SF1: variants seen among roughly 807,000 people sequenced by gnomAD.
The protein encoded by SF1 is splicing factor 1.
SF1 carries 7 observed loss-of-function variants against 62.5 expected under a neutral mutation model. The ratio of observed to expected loss-of-function variants is 0.11; its 90% confidence interval spans 0.06 to 0.21. The LOEUF (loss-of-function observed/expected upper bound fraction) is 0.21, where lower values mean the gene tolerates loss of function less well. Among genes scored for constraint, SF1 ranks in the 10% least tolerant of loss-of-function variants. The pLI is 1.00. For missense variants in SF1, 578 were observed against 884.0 expected (o/e 0.65, Z 4.39); for synonymous variants, 394 against 323.6 (o/e 1.22, Z -2.33).
rs1195496200 is a variant in SF1 at position 64,769,944 on chromosome 11, A to C, written c.479+20T>G. 1 of 1,567,192 alleles carries C rather than the reference A, an allele frequency of 6.4e-7. No individual in the cohort carries two copies. The highest frequency in any genetic ancestry group is 8.8e-7 in the Non-Finnish European group (1 of 1,137,472). ...AGGCTCTAAAGGAATTCTATATCCT[A>C]TAGACCAGCAGTTACTCACCTGGGC... On this transcript the variant is annotated intron_variant, in intron 5 of 12. Transcript: ENST00000377390.
At position 64,765,962 on chromosome 11, in the gene SF1, G is replaced by T; in HGVS notation, c.1776C>A (p.Ser592=). 1 of 1,591,950 alleles carries T rather than the reference G, an allele frequency of 6.3e-7. No homozygotes were observed. Among genetic ancestry groups the T allele is most frequent in the Non-Finnish European group, 8.6e-7 (1 of 1,169,142 alleles). The part of the protein sequence containing the change: ...PPPPPPPPPG[S]AGMMYAPPPP... Reference sequence around the variant, plus strand: ...GGGGCGGGGCATACATCATGCCGGCGGAACCAGGCGGTGGAGGCGGCGGAG... The same window carrying T: ...GGGGCGGGGCATACATCATGCCGGCTGAACCAGGCGGTGGAGGCGGCGGAG... Residue 592 remains serine, a synonymous_variant, in exon 13 of 13, where the codon TCC becomes TCA. Transcript: ENST00000377390.
chr11:64,772,890 T>C, intron 3 of SF1: 1 of 986,258 alleles, frequency 1.0e-6, no homozygotes, highest in Non-Finnish European at 1.2e-6. Context: ...CCCAAGGCAA[T>C]GGCCAAGGCT....
At position 64,764,891 on chromosome 11, in the gene SF1, G is replaced by A; in HGVS notation, c.*927C>T. 1 of 152,374 alleles carries A rather than the reference G, an allele frequency of 6.6e-6. No homozygotes were observed. The highest frequency in any genetic ancestry group is 1.9e-4 in the East Asian group (1 of 5,208). 9.4% of individuals were successfully genotyped at this position (152,374 alleles called of 1,614,324 possible). On this transcript the variant is annotated 3_prime_UTR_variant, in exon 13 of 13. Transcript: ENST00000377390. ...CCTTCCAGGAAGGAGAGGACCAAAT[G>A]GAATCTGAGGCAGCTCAGGTGATCA...
chr11:64,767,501 C>A (rs1195975674), intron 10 of SF1, 70 bp downstream of exon 10: 18 of 1,455,296 alleles, frequency 1.2e-5, no homozygotes, highest in Non-Finnish European at 1.6e-5. Flanking sequence ...TGCTTCTAGC[C>A]AACAGCGACC....
intron 4 of SF1, 41 bp from the exon 5 acceptor site, chr11:64,770,094 A>G (rs754810937): frequency 6.3e-7 from 1 of 1,585,580 alleles, no homozygotes; most frequent in African/African-American, 1.3e-5. Flanking sequence ...TTTCTGGAGA[A>G]TGACACAGCC....
At position 64,770,415 on chromosome 11, in the gene SF1, G is replaced by A. The variant is rs763089407; in HGVS notation, c.237-7C>T. On this transcript the variant is annotated splice_polypyrimidine_tract_variant and splice_region_variant and intron_variant, in intron 3 of 12. Coordinates refer to ENST00000377390, the MANE Select transcript of SF1 (RefSeq NM_004630.4). ...GGGCTCAGGGGAAGGGGACCTGTGG[G>A]AAACAGACTCCCGTTTACTATTCTG... 1.2e-5 allele frequency: 20 copies of A among 1,609,576 alleles called. No individual in the cohort carries two copies. Among genetic ancestry groups the A allele is most frequent in the Non-Finnish European group, 1.7e-5 (20 of 1,176,238 alleles).
rs2058617776 is a variant in SF1, at chr11:64,765,868, G to A, written c.1870C>T (p.Pro624Ser). 2 of 1,562,428 alleles carry A rather than the reference G, an allele frequency of 1.3e-6. No individual in the cohort carries two copies. The highest frequency in any genetic ancestry group is 1.7e-6 in the Non-Finnish European group (2 of 1,153,868). ...TMMGMGVAGM[P>S]PFGMPPAPPP... ...GGAGCTGGAGGCATCCCGAAGGGCG[G>A]CATGCCCGCCACCCCCATGCCCATC... Residue 624 changes from proline to serine, a missense_variant, in exon 13 of 13, where the codon CCG becomes TCG. Pro to Ser is a moderately conservative substitution (Grantham distance 74, BLOSUM62 -1). Transcript: ENST00000377390.
intron 3 of SF1, chr11:64,772,695 A>G (rs573279704): frequency 3.0e-6 from 3 of 985,454 alleles, no homozygotes; most frequent in African/African-American, 3.5e-5. Flanking sequence ...ATAAAATTCC[A>G]GTTTAAAAAA....
In SF1 at chr11:64,765,571, A is replaced by G; in HGVS notation, c.*247T>C. ...AGGGAGTTGGGTGAGGAGAGAAAGAAGACAAAGAAGACACTCGATGCTACG... is the reference window on the plus strand; with the variant it reads ...AGGGAGTTGGGTGAGGAGAGAAAGAGGACAAAGAAGACACTCGATGCTACG... On this transcript the variant is annotated 3_prime_UTR_variant, in exon 13 of 13. Coordinates refer to ENST00000377390, the MANE Select transcript of SF1 (RefSeq NM_004630.4). 6.4e-7 allele frequency: 1 copy of G among 1,554,406 alleles called. No homozygotes were observed. Among genetic ancestry groups the G allele is most frequent in the East Asian group, 2.3e-5 (1 of 43,510 alleles).
intron 1 of SF1, chr11:64,777,843 C>A: frequency 1.1e-6 from 1 of 949,092 alleles, no homozygotes; most frequent in African/African-American, 1.8e-5. Context: ...AGGCCGCGCG[C>A]GCCCAGGGGC....
chr11:64,766,743 C>T (rs1484917098), intron 12 of SF1, 157 bp downstream of exon 12: 2 of 531,928 alleles, frequency 3.8e-6, no homozygotes, highest in African/African-American at 2.0e-5. Context: ...CAAGATGCCC[C>T]TCCACCCCCT....
At chr11:64,777,852 G>T in intron 1 of SF1, 1 of 948,046 alleles carries the variant, frequency 1.1e-6, no homozygotes, top group Non-Finnish European at 1.3e-6. Context: ...GCGCCCAGGG[G>T]CGCCTCCGCC....
rs777252081 is a variant in SF1 at position 64,768,252 on chromosome 11, G to A, written c.922C>T (p.Arg308Trp). 6 of 1,613,708 alleles carry A rather than the reference G, an allele frequency of 3.7e-6. No homozygotes were observed. In the Admixed American group the frequency reaches 5.0e-5, roughly 13 times the overall value. ...GDPQSAQDKA[R>W]MDKEYLSLMA... ...AGGGACAAATATTCTTTATCCATCCGTGCTTTATCCTGAGCTGACTGAGGA... is the reference window on the plus strand; with the variant it reads ...AGGGACAAATATTCTTTATCCATCCATGCTTTATCCTGAGCTGACTGAGGA... The change falls in exon 9 of 13, where the codon CGG becomes TGG. Residue 308 changes from arginine (R) to tryptophan (W), a missense_variant. Arg to Trp is a moderately radical substitution (Grantham distance 101). Coordinates refer to ENST00000377390, the MANE Select transcript of SF1 (RefSeq NM_004630.4).
At chr11:64,777,574 C>G in intron 1 of SF1, 1 of 985,370 alleles carries the variant, frequency 1.0e-6, no homozygotes, top group Non-Finnish European at 1.2e-6. Context: ...TCTGGTTCCT[C>G]AAGACCAGAA....
At position 64,765,601 on chromosome 11, in the gene SF1, G is replaced by A. The variant is rs1458167561; in HGVS notation, c.*217C>T. The A allele has an allele frequency of 1.1e-5, 16 of 1,508,206 alleles. No homozygotes were observed. The highest frequency in any genetic ancestry group is 1.4e-5 in the African/African-American group (1 of 71,114). The allele number at this position is 1,508,206 out of a possible 1,614,324, so 93.4% of individuals were successfully genotyped here. ...AAGAAGACACTCGATGCTACGGGGCGCCAGGAGAGCCCAAGCTGGCGCCCC... is the reference window on the plus strand; with the variant it reads ...AAGAAGACACTCGATGCTACGGGGCACCAGGAGAGCCCAAGCTGGCGCCCC... On this transcript the variant is annotated 3_prime_UTR_variant, in exon 13 of 13. Transcript: ENST00000377390.
At chr11:64,776,670 T>A in intron 1 of SF1, 44 bp from the exon 2 acceptor site, 1 of 1,591,394 alleles carries the variant, frequency 6.3e-7, no homozygotes, top group Admixed American at 1.8e-5. Flanking sequence ...ATACAAGTAG[T>A]TATCAACAGA....
chr11:64,769,894 T>A (rs549086268), intron 5 of SF1, 70 bp downstream of exon 5: 1 of 1,201,444 alleles, frequency 8.3e-7, no homozygotes, highest in South Asian at 1.3e-5. Context: ...AGTCCCCAAT[T>A]AGGCACAAAA....
In SF1 at chr11:64,766,122, C is replaced by T. The variant is rs1373982380; in HGVS notation, c.1616G>A (p.Gly539Glu). Residue 539 changes from glycine to glutamate, a missense_variant, in exon 13 of 13, where the codon GGG (glycine) becomes GAG (glutamate). Physicochemically the swap from Gly to Glu is moderately conservative, Grantham distance 98. Around this residue, in one of 7 missense-constraint regions of SF1, gnomAD observed 410 missense variants for 452.4 expected, o/e 0.91. Coordinates refer to ENST00000377390, the MANE Select transcript of SF1 (RefSeq NM_004630.4). ...CTGCTGTTGCCATGGCGGGATGGAC[C>T]CTGTGCCAGCGCTCGTGGTGGTAGT... The part of the protein sequence containing the change: ...TTTTTTSAGT[G>E]SIPPWQQQQA... The T allele has an allele frequency of 6.2e-7, 1 of 1,609,084 alleles. No individual in the cohort carries two copies. Among genetic ancestry groups the T allele is most frequent in the African/African-American group, 1.3e-5 (1 of 74,922 alleles).
chr11:64,775,284 T>C (rs1393638470), intron 2 of SF1, among the ~76,000 whole-genome samples: 5 of 152,174 alleles, frequency 3.3e-5, no homozygotes, highest in Non-Finnish European at 4.4e-5. Context: ...GTGAACTAAC[T>C]AGCCCTCCAC....
Sources: allele counts gnomAD v4.1 joint callset (sites outside exome capture counted in the v4.1 genomes callset), GRCh38; gene constraint gnomAD v4.1.1; regional missense constraint gnomAD v4.1.1; transcripts MANE v1.5; gene names NCBI Gene and HGNC (gene_info 2026-07-23, HGNC 2026-07-21).